The following DICER1 variants were observed in gnomAD, a reference collection of about 807,000 sequenced individuals.
DICER1 encodes the protein endoribonuclease Dicer.
Under a neutral mutation model 194.1 loss-of-function variants are expected in DICER1, and 43 were observed. The observed-to-expected ratio is 0.22, with a 90% CI of 0.17 to 0.29. The LOEUF is 0.29. Among genes scored for constraint, DICER1 ranks in the 10% least tolerant of loss-of-function variants. The probability of loss-of-function intolerance (pLI) is 1.00; values close to 1 mark genes in which losing one functional copy is unlikely to be tolerated. For missense variants in DICER1, 1,608 were observed against 2,317.0 expected (o/e 0.69, Z 6.28); for synonymous variants, 832 against 820.5 (o/e 1.01, Z -0.24).
intron 11 of DICER1, among the ~76,000 whole-genome samples, chr14:95,114,452 T>TG (rs1892257245): frequency 6.6e-6 from 1 of 152,040 alleles, no homozygotes; most frequent in Admixed American, 6.5e-5. Context: ...AATATAAGAA[T>TG]GAATAAACGG....
At chr14:95,113,298 T>A in intron 11 of DICER1, 74 bp from the exon 12 acceptor site, 1 of 1,433,114 alleles carries the variant, frequency 7.0e-7, no homozygotes, top group Non-Finnish European at 9.8e-7. Context: ...TCGAGTTTGA[T>A]TTGTCATGTG....
At chr14:95,154,349 T>C (rs542260952) in intron 1 of DICER1, among the ~76,000 whole-genome samples, 1 of 152,334 alleles carries the variant, frequency 6.6e-6, no homozygotes, top group African/African-American at 2.4e-5. Context: ...GTGACCACTT[T>C]GAGGTATATG....
chr14:95,108,078 C>T lies in DICER1; in HGVS notation c.2452G>A (p.Val818Met). 3 of 1,613,232 alleles carry T rather than the reference C, an allele frequency of 1.9e-6. No homozygotes were observed. Among genetic ancestry groups the T allele is most frequent in the South Asian group, 1.1e-5 (1 of 91,074 alleles). ...KPIPQIPHFPVYTRSGEVTIS... is the reference protein window; with the variant it reads ...KPIPQIPHFPMYTRSGEVTIS... ...GTAACCTCTCCAGAGCGTGTGTACA[C>T]AGGAAAGTGTGGAATCTTAGCAAAA... Residue 818 changes from valine (V) to methionine (M), a missense_variant, in exon 16 of 27, where the codon GTG (valine) becomes ATG (methionine). By Grantham distance (21) the Val-to-Met change is conservative. Transcript: ENST00000343455.
At position 95,106,087 on chromosome 14, in the gene DICER1, T is replaced by A; in HGVS notation, c.2941A>T (p.Thr981Ser). The A allele has an allele frequency of 1.2e-6, 2 of 1,614,164 alleles. No homozygotes were observed. Among genetic ancestry groups the A allele is most frequent in the Non-Finnish European group, 1.7e-6 (2 of 1,180,018 alleles). ...TCCAGCAGTGGCTGGTTGAGATTGG[T>A]TAGGTCAAGGTTGTACTTTGTTTTA... Reference protein sequence around the residue: ...YYKTKYNLDLTNLNQPLLDVD... With the variant: ...YYKTKYNLDLSNLNQPLLDVD... Residue 981 changes from threonine to serine, a missense_variant, in exon 18 of 27, where the codon ACC becomes TCC. Around this residue, in one of 10 missense-constraint regions of DICER1, gnomAD observed 79 missense variants for 176.1 expected, o/e 0.45. Transcript: ENST00000343455.
intron 22 of DICER1, among the ~76,000 whole-genome samples, chr14:95,099,403 A>C (rs1442413586): frequency 6.6e-6 from 1 of 152,174 alleles, no homozygotes; most frequent in Admixed American, 6.5e-5. Context: ...ACTGGAGATC[A>C]CAGGTCACTG....
chr14:95,099,301 ATTTTT>A (rs1224450937), intron 22 of DICER1, among the ~76,000 whole-genome samples: 1 of 147,368 alleles, frequency 6.8e-6, no homozygotes. Flanking sequence ...TTTATGGATG[ATTTTT>A]TTTTTTTAAG....
chr14:95,147,120 T>C (rs1487215584), intron 1 of DICER1, among the ~76,000 whole-genome samples: 6 of 152,200 alleles, frequency 3.9e-5, no homozygotes, highest in Admixed American at 6.5e-5. Context: ...AAACTGTGGA[T>C]GATTTGTGTG....
At chr14:95,137,404 G>A (rs1157987761) in intron 1 of DICER1, among the ~76,000 whole-genome samples, 1 of 142,042 alleles carries the variant, frequency 7.0e-6, no homozygotes, top group African/African-American at 2.6e-5. Context: ...AAGGGGAAAG[G>A]GAAAGAAAAA....
chr14:95,096,104 T>G lies in DICER1; in HGVS notation c.4816A>C (p.Thr1606Pro). 2 of 1,614,178 alleles carry G rather than the reference T, an allele frequency of 1.2e-6. No homozygotes were observed. Among genetic ancestry groups the G allele is most frequent in the South Asian group, 2.2e-5 (2 of 91,082 alleles). The change falls in exon 23 of 27, where the codon ACT (threonine) becomes CCT (proline). Residue 1606 changes from threonine to proline, a missense_variant. Thr to Pro is a conservative substitution (Grantham distance 38). Transcript: ENST00000343455. The stretch of plus-strand genomic sequence containing the variant: ...TGTTGGCTGTTGAAATTCTCCCGAG[T>G]AGGGCACAGGGCCTTTTCCCGATCA... ...RTDREKALCPTRENFNSQQKN... is the reference protein window; with the variant it reads ...RTDREKALCPPRENFNSQQKN...
chr14:95,105,241 C>T lies in DICER1; in HGVS notation c.3099G>A (p.Leu1033=). 6.2e-7 allele frequency: 1 copy of T among 1,612,908 alleles called. No homozygotes were observed. The highest frequency in any genetic ancestry group is 1.1e-5 in the South Asian group (1 of 91,046). The change falls in exon 20 of 27, where the codon CTG becomes CTA. Residue 1033 remains leucine, a synonymous_variant. Transcript: ENST00000343455. The surrounding 1 kb of genome is among the most constrained non-coding windows in gnomAD (Gnocchi z 4.9). ...GATGTATAGCACAGAGTTCTGGAACCAGTATCTTCAAGTAAGGGGAAAAAT... is the reference window on the plus strand; with the variant it reads ...GATGTATAGCACAGAGTTCTGGAACTAGTATCTTCAAGTAAGGGGAAAAAT... The part of the protein sequence containing the change: ...KWESLQNKQI[L]VPELCAIHPI...
In DICER1 at chr14:95,140,283, G is replaced by A. The variant is rs575412006; in HGVS notation, c.-45-6780C>T. On this transcript the variant is annotated intron_variant, in intron 1 of 26. Coordinates refer to ENST00000343455, the MANE Select transcript of DICER1 (RefSeq NM_177438.3). ...TAACAATGTTTTAGAGACTGACCCC[G>A]TATAAGACTATGGTCTCGTAAGATT... Among the ~76,000 whole-genome samples, 6 of 152,176 alleles carry A rather than the reference G, an allele frequency of 3.9e-5. No homozygotes were observed. In the South Asian group the frequency reaches 6.2e-4, roughly 16 times the overall value.
intron 2 of DICER1, 105 bp from the exon 3 acceptor site, chr14:95,132,782 G>A: frequency 1.1e-5 from 12 of 1,141,594 alleles, no homozygotes; most frequent in African/African-American, 3.1e-5. Context: ...CTCTAAAATC[G>A]TCCTCCAATA....
chr14:95,102,877 T>C (rs187831232), intron 21 of DICER1, among the ~76,000 whole-genome samples: 37 of 152,256 alleles, frequency 2.4e-4, no homozygotes, highest in Non-Finnish European at 4.0e-4. Flanking sequence ...TCCGCTCCAC[T>C]CTCCAAAACT....
rs533590757 is a variant in DICER1, at chr14:95,155,397, C to A, written c.-46+1833G>T. Among the ~76,000 whole-genome samples the A allele has an allele frequency of 2.0e-5, 3 of 152,286 alleles. No homozygotes were observed. In the East Asian group the frequency reaches 5.8e-4, roughly 29 times the overall value. On this transcript the variant is annotated intron_variant, in intron 1 of 26. Coordinates refer to ENST00000343455, the MANE Select transcript of DICER1 (RefSeq NM_177438.3). ...AGTGGTAGAGAATAAAACATCCCAA[C>A]GCCATAAAAGTCACCCTCTCTAGAA...
intron 1 of DICER1, among the ~76,000 whole-genome samples, chr14:95,142,595 A>G (rs555733176): frequency 8.4e-4 from 128 of 152,362 alleles, no homozygotes; most frequent in Non-Finnish European, 1.4e-3. Flanking sequence ...ATTTCCATTG[A>G]TAATTCCATA....
intron 11 of DICER1, 146 bp from the exon 12 acceptor site, chr14:95,113,370 T>C: frequency 1.2e-6 from 1 of 807,594 alleles, no homozygotes; most frequent in Non-Finnish European, 2.1e-6. Flanking sequence ...GCTTCAAACT[T>C]CGAATAAGAC....
At chr14:95,156,535 T>C (rs1895880131) in intron 1 of DICER1, among the ~76,000 whole-genome samples, 1 of 152,232 alleles carries the variant, frequency 6.6e-6, no homozygotes, top group Non-Finnish European at 1.5e-5. Flanking sequence ...ACTCAGCTTT[T>C]CTGGACAATC....
chr14:95,094,219 C>T, intron 23 of DICER1, 63 bp from the exon 24 acceptor site: 1 of 1,570,750 alleles, frequency 6.4e-7, no homozygotes, highest in Non-Finnish European at 8.8e-7. Flanking sequence ...CCCCACATAG[C>T]AACTGATCCC....
chr14:95,126,011 A>T (rs1454653147), intron 7 of DICER1, among the ~76,000 whole-genome samples: 1 of 152,156 alleles, frequency 6.6e-6, no homozygotes, highest in Non-Finnish European at 1.5e-5. Flanking sequence ...ATGGTTGCAA[A>T]GTTCTAGGGC....
Sources: allele counts gnomAD v4.1 joint callset (sites outside exome capture counted in the v4.1 genomes callset), GRCh38; gene constraint gnomAD v4.1.1; regional missense constraint gnomAD v4.1.1; non-coding constraint Gnocchi (gnomAD v3.1); transcripts MANE v1.5; gene names NCBI Gene and HGNC (gene_info 2026-07-23, HGNC 2026-07-21).